NAA35: variants seen among roughly 807,000 people sequenced by gnomAD.
The protein encoded by NAA35 is N-alpha-acetyltransferase 35, NatC auxiliary subunit.
NAA35 carries 18 observed loss-of-function variants against 101.7 expected under a neutral mutation model. The ratio of observed to expected loss-of-function variants is 0.18; its 90% CI spans 0.12 to 0.26. The LOEUF is 0.26. Ranked by LOEUF, NAA35 falls within the 10% of genes least tolerant of loss-of-function variation. The pLI, the probability that NAA35 is intolerant of heterozygous loss-of-function variation, is 1.00. For synonymous variants in NAA35, 267 were observed against 273.1 expected (o/e 0.98, Z 0.22); for missense variants, 601 against 886.8 (o/e 0.68, Z 4.09).
At chr9:85,978,030 A>G (rs1054864690) in intron 10 of NAA35, among the ~76,000 whole-genome samples, 1 of 151,986 alleles carries the variant, frequency 6.6e-6, no homozygotes, top group Non-Finnish European at 1.5e-5. Context: ...TTGTGAAAAA[A>G]AAAACCAAAA....
chr9:86,025,443 G>A lies in NAA35; in HGVS notation c.*3483G>A, dbSNP rs554624607. On this transcript the variant is annotated 3_prime_UTR_variant, in exon 23 of 23. Transcript: ENST00000361671. ...TTCATACTTGCCCCACTCTATTTGT[G>A]GAGTGGCTGGTATGATCTTAAAAGA... 1.3e-5 allele frequency among the ~76,000 whole-genome samples: 2 copies of A among 152,152 alleles called. No homozygotes were observed. Among genetic ancestry groups the A allele is most frequent in the Admixed American group, 1.3e-4 (2 of 15,290 alleles).
chr9:86,009,999 G>A, intron 15 of NAA35, 68 bp downstream of exon 15: 2 of 1,287,104 alleles, frequency 1.6e-6, no homozygotes, highest in Non-Finnish European at 2.3e-6. Flanking sequence ...CGGGCACGGT[G>A]GCTCACTTTG....
intron 11 of NAA35, among the ~76,000 whole-genome samples, chr9:85,993,927 G>A (rs1209043931): frequency 1.3e-5 from 2 of 151,400 alleles, no homozygotes; most frequent in East Asian, 1.9e-4. Flanking sequence ...TCCCATCTCA[G>A]CCTCCCCAGT....
In NAA35 at chr9:86,022,492, C is replaced by T. The variant is rs1832609943; in HGVS notation, c.*532C>T. Among the ~76,000 whole-genome samples, 1 of 152,070 alleles carries T rather than the reference C, an allele frequency of 6.6e-6. No homozygotes were observed. The highest frequency in any genetic ancestry group is 1.5e-5 in the Non-Finnish European group (1 of 68,008). ...GATTTTTGGGAGGGCCTCTAAATTA[C>T]ATGAAAATTGTGATTTTTATGTGTC... On this transcript the variant is annotated 3_prime_UTR_variant, in exon 23 of 23. Coordinates refer to ENST00000361671, the MANE Select transcript of NAA35 (RefSeq NM_024635.4).
rs1024302963 is a variant in NAA35 at position 86,025,136 on chromosome 9, G to A, written c.*3176G>A. Among the ~76,000 whole-genome samples the A allele has an allele frequency of 3.3e-5, 5 of 152,144 alleles. No individual in the cohort carries two copies. The highest frequency in any genetic ancestry group is 1.2e-4 in the African/African-American group (5 of 41,442). ...TGTTTGGAAAAGTTCAGGAGAGGTG[G>A]GTGTTTTCCTTGTTCCTCTTTGGCT... is the stretch of plus-strand genomic sequence containing the variant. On this transcript the variant is annotated 3_prime_UTR_variant, in exon 23 of 23. Coordinates refer to ENST00000361671, the MANE Select transcript of NAA35 (RefSeq NM_024635.4).
intron 11 of NAA35, among the ~76,000 whole-genome samples, chr9:85,984,036 A>AT (rs1830545568): frequency 6.6e-6 from 1 of 151,888 alleles, no homozygotes. Flanking sequence ...AAAAAAAAAA[A>AT]AAAAAATCAC....
chr9:85,971,340 C>T (rs534964112), intron 6 of NAA35, among the ~76,000 whole-genome samples: 1 of 152,316 alleles, frequency 6.6e-6, no homozygotes, highest in African/African-American at 2.4e-5. Context: ...CCGGTTGACA[C>T]ACTGTGAAAT....
At chr9:85,970,324 T>C (rs1829951000) in intron 6 of NAA35, among the ~76,000 whole-genome samples, 1 of 152,208 alleles carries the variant, frequency 6.6e-6, no homozygotes, top group African/African-American at 2.4e-5. Flanking sequence ...TTTGAATACT[T>C]ATTTCTGGCA....
At chr9:86,015,152 C>T (rs932292105) in intron 17 of NAA35, among the ~76,000 whole-genome samples, 1 of 152,074 alleles carries the variant, frequency 6.6e-6, no homozygotes, top group African/African-American at 2.4e-5. Context: ...TTTCTCAGAT[C>T]AAAATATTAT....
chr9:85,974,860 T>C, intron 6 of NAA35, 107 bp from the exon 7 acceptor site: 1 of 767,962 alleles, frequency 1.3e-6, no homozygotes, highest in Non-Finnish European at 2.1e-6. Flanking sequence ...TTCTCTTTGT[T>C]TATTAAATAG....
At chr9:85,950,792 A>G (rs1395098431) in intron 2 of NAA35, among the ~76,000 whole-genome samples, 1 of 152,184 alleles carries the variant, frequency 6.6e-6, no homozygotes, top group Non-Finnish European at 1.5e-5. Context: ...TTACATATAT[A>G]TATGTGTTTA....
chr9:85,959,385 A>C (rs985254334), intron 4 of NAA35, among the ~76,000 whole-genome samples: 6 of 151,260 alleles, frequency 4.0e-5, no homozygotes, highest in Non-Finnish European at 8.8e-5. Context: ...TCAAAAAAAA[A>C]AAAACAAAAA....
intron 8 of NAA35, among the ~76,000 whole-genome samples, chr9:85,975,480 A>G (rs936323591): frequency 1.3e-5 from 2 of 152,162 alleles, no homozygotes; most frequent in Non-Finnish European, 2.9e-5. Context: ...CAATGGTGTG[A>G]TATTTGCATA....
At chr9:85,966,452 CTTATT>C (rs1269286979) in intron 6 of NAA35, 2 of 273,014 alleles carry the variant, frequency 7.3e-6, no homozygotes, top group Admixed American at 9.0e-5. Flanking sequence ...AAATAAGTTG[CTTATT>C]TTATGAAGGA....
At chr9:86,013,204 T>C in intron 16 of NAA35, 60 bp downstream of exon 16, 1 of 1,059,718 alleles carries the variant, frequency 9.4e-7, no homozygotes, top group South Asian at 1.7e-5. Context: ...TGTCCAGATT[T>C]TTAAAAACAA....
intron 1 of NAA35, chr9:85,941,626 C>T: frequency 3.0e-6 from 3 of 986,270 alleles, no homozygotes; most frequent in Non-Finnish European, 3.6e-6. Flanking sequence ...GCCCTAGGCC[C>T]GGCCGGCGGG....
intron 8 of NAA35, among the ~76,000 whole-genome samples, chr9:85,975,430 G>C (rs1830171000): frequency 6.6e-6 from 1 of 152,098 alleles, no homozygotes. Context: ...CAGGACCCCT[G>C]TGAATACCAA....
chr9:86,017,644 A>C (rs1217455549), intron 19 of NAA35, 79 bp downstream of exon 19: 1 of 1,101,560 alleles, frequency 9.1e-7, no homozygotes, highest in Non-Finnish European at 1.3e-6. Flanking sequence ...GTTTTCTGTG[A>C]TTCTTTCCAT....
chr9:85,954,486 C>A (rs967420432), intron 2 of NAA35, among the ~76,000 whole-genome samples: 3 of 152,218 alleles, frequency 2.0e-5, no homozygotes. Flanking sequence ...TCCACATCCT[C>A]ATAACACTTA....
Sources: allele counts gnomAD v4.1 joint callset (sites outside exome capture counted in the v4.1 genomes callset), GRCh38; gene constraint gnomAD v4.1.1; transcripts MANE v1.5; gene names NCBI Gene and HGNC (gene_info 2026-07-23, HGNC 2026-07-21).